Variants in ZNF518A observed in about 807,000 individuals in gnomAD.
ZNF518A encodes zinc finger protein 518A, also known as zinc finger protein 518.
In ZNF518A, 47 loss-of-function variants were observed where a neutral mutation model predicts 102.7. That is an observed-to-expected ratio of 0.46 (90% CI 0.36 to 0.58). ZNF518A has a LOEUF of 0.58. Ranked by LOEUF, ZNF518A falls within the 20% of genes least tolerant of loss-of-function variation. The probability of loss-of-function intolerance (pLI) is 0.00; values close to 1 mark genes in which losing one functional copy is unlikely to be tolerated. For missense variants in ZNF518A, 1,793 were observed against 1,699.8 expected (o/e 1.05, Z -0.96); for synonymous variants, 652 against 594.6 (o/e 1.10, Z -1.40).
rs201454460 is a variant in ZNF518A, at chr10:96,197,079, TA to T, written n.36-6489del. The stretch of plus-strand genomic sequence containing the variant: ...ATGATCCATCCTGTTTAATTTTTTT[TA>T]AAAAACATAATTATGGTTAGTATTA... On this transcript the variant is annotated intron_variant and non_coding_transcript_variant, in intron 1 of 2. Coordinates refer to the ZNF518A transcript ENST00000442635. 196 of 1,597,334 alleles carry T rather than the reference TA, an allele frequency of 1.2e-4. 1 individual carries two copies. The East Asian group carries it at 3.7e-3, about 30-fold the overall frequency.
chr10:96,203,705 C>A (rs1350671396), intron 2 of ZNF518A: 2 of 173,286 alleles, frequency 1.2e-5, no homozygotes, highest in African/African-American at 4.8e-5. Context: ...TTGTTTAGAA[C>A]CAAACACTAT....
chr10:96,142,305 GGTGTGTGTGTGTGT>G (rs60624825), intron 3 of ZNF518A, among the ~76,000 whole-genome samples: 1,569 of 104,110 alleles, frequency 0.015, 18 homozygotes, highest in African/African-American at 0.038. Context: ...ATATTCTTAG[GGTGTGTGTGTGTGT>G]GTGTGTGTGT....
intron 3 of ZNF518A, among the ~76,000 whole-genome samples, chr10:96,155,055 A>G (rs939683693): frequency 7.1e-6 from 1 of 140,166 alleles, no homozygotes; most frequent in Non-Finnish European, 1.5e-5. Context: ...CTATTCATAC[A>G]TATATATATA....
chr10:96,204,536 G>A, downstream of ZNF518A: 1 of 1,613,878 alleles, frequency 6.2e-7, no homozygotes, highest in Non-Finnish European at 8.5e-7. Flanking sequence ...TCTTACTTCT[G>A]GGCAGGAGGA....
At chr10:96,178,474 A>C (rs967529013) in intron 1 of ZNF518A, among the ~76,000 whole-genome samples, 10 of 152,058 alleles carry the variant, frequency 6.6e-5, no homozygotes, top group Non-Finnish European at 1.2e-4. Flanking sequence ...GGACATTTTA[A>C]ACTTCAGATA....
intron 1 of ZNF518A, among the ~76,000 whole-genome samples, chr10:96,188,944 T>C (rs2083289773): frequency 6.6e-6 from 1 of 152,188 alleles, no homozygotes; most frequent in Admixed American, 6.5e-5. Flanking sequence ...TAGCTTCTGA[T>C]GGTTTGCAGG....
At position 96,158,796 on chromosome 10, in the gene ZNF518A, A is replaced by G. The variant is rs782501219; in HGVS notation, c.2474A>G (p.Lys825Arg). The change falls in exon 6 of 6, where the codon AAA (lysine) becomes AGA (arginine). Residue 825 changes from lysine (K) to arginine (R), a missense_variant. By Grantham distance (26) the Lys-to-Arg change is conservative. This residue lies in a region of ZNF518A where 1,741 missense variants were observed against 1,622.6 expected (regional missense o/e 1.07). Transcript: ENST00000316045. ...QSFQKHEREG[K>R]IVESSKDFKV... ...TTTCAAAAACACGAGAGAGAAGGCA[A>G]AATTGTTGAATCTTCGAAAGATTTC... 1.2e-5 allele frequency: 19 copies of G among 1,613,626 alleles called. No homozygotes were observed. The South Asian group carries it at 1.6e-4, about 14-fold the overall frequency.
At chr10:96,180,635 G>C (rs941876295) in intron 1 of ZNF518A, among the ~76,000 whole-genome samples, 3 of 152,008 alleles carry the variant, frequency 2.0e-5, no homozygotes, top group Non-Finnish European at 4.4e-5. Context: ...CAGAATGATG[G>C]TTTCCATCTT....
chr10:96,174,677 G>GA (rs2083192928), intron 1 of ZNF518A, among the ~76,000 whole-genome samples: 1 of 152,048 alleles, frequency 6.6e-6, no homozygotes, highest in Admixed American at 6.6e-5. Flanking sequence ...CACAAAAATT[G>GA]TAAGAAAAAC....
intron 1 of ZNF518A, chr10:96,196,915 C>T (rs1466156518): frequency 1.2e-6 from 2 of 1,613,250 alleles, no homozygotes; most frequent in Admixed American, 3.3e-5. Context: ...GACCTCTTCA[C>T]CATTTTTCTT....
intron 1 of ZNF518A, among the ~76,000 whole-genome samples, chr10:96,174,649 A>G (rs1184869790): frequency 1.3e-5 from 2 of 152,166 alleles, no homozygotes; most frequent in East Asian, 3.8e-4. Context: ...TATGACGAGT[A>G]AGGTATTGAA....
At chr10:96,173,062 T>C (rs989691588) in intron 1 of ZNF518A, among the ~76,000 whole-genome samples, 1 of 152,164 alleles carries the variant, frequency 6.6e-6, no homozygotes, top group African/African-American at 2.4e-5. Context: ...AGATAGCATT[T>C]GCATTGTATT....
chr10:96,184,021 G>A (rs2083255991), intron 1 of ZNF518A, among the ~76,000 whole-genome samples: 1 of 152,156 alleles, frequency 6.6e-6, no homozygotes, highest in Admixed American at 6.5e-5. Flanking sequence ...TATAGATTTA[G>A]GATAGTTAGC....
intron 1 of ZNF518A, among the ~76,000 whole-genome samples, chr10:96,177,772 G>A (rs146898016): frequency 5.3e-5 from 8 of 152,014 alleles, no homozygotes; most frequent in Admixed American, 4.6e-4. Flanking sequence ...AAACAGAGAT[G>A]GCAGCTTTAA....
chr10:96,138,126 T>C (rs1255832089), intron 3 of ZNF518A, among the ~76,000 whole-genome samples: 1 of 152,154 alleles, frequency 6.6e-6, no homozygotes, highest in Non-Finnish European at 1.5e-5. Flanking sequence ...CACCATCAAC[T>C]CTTACTTGGA....
intron 1 of ZNF518A, among the ~76,000 whole-genome samples, chr10:96,177,192 G>C (rs1436261804): frequency 1.3e-5 from 2 of 152,080 alleles, no homozygotes; most frequent in Non-Finnish European, 2.9e-5. Context: ...AGTTACTGCA[G>C]ACTTACATCA....
chr10:96,159,105 A>G lies in ZNF518A; in HGVS notation c.2783A>G (p.Lys928Arg), dbSNP rs782424144. The G allele has an allele frequency of 1.9e-6, 3 of 1,611,420 alleles. No individual in the cohort carries two copies. The highest frequency in any genetic ancestry group is 2.5e-6 in the Non-Finnish European group (3 of 1,179,186). The change falls in exon 6 of 6, where the codon AAA (lysine) becomes AGA (arginine). Residue 928 changes from lysine to arginine, a missense_variant. Physicochemically the swap from Lys to Arg is conservative, Grantham distance 26 (BLOSUM62 2). This residue lies in a region of ZNF518A where 1,741 missense variants were observed against 1,622.6 expected (regional missense o/e 1.07). Transcript: ENST00000316045. ...QSPLLNSEQK[K>R]TIIVQTSKGF... ...CCACTTTTAAATTCAGAACAAAAAA[A>G]AACTATAATTGTTCAGACTTCAAAA...
chr10:96,141,265 G>A (rs2081910371), intron 3 of ZNF518A, among the ~76,000 whole-genome samples: 1 of 152,172 alleles, frequency 6.6e-6, no homozygotes, highest in Admixed American at 6.5e-5. Context: ...AAAGCAATTT[G>A]TAATAAATGG....
At chr10:96,172,634 T>G (rs2083180358) in intron 1 of ZNF518A, among the ~76,000 whole-genome samples, 1 of 152,068 alleles carries the variant, frequency 6.6e-6, no homozygotes, top group Non-Finnish European at 1.5e-5. Flanking sequence ...AAATAGATTC[T>G]GATAAAGATG....
Sources: gnomAD v4.1 joint callset for allele counts (sites outside exome capture counted in the v4.1 genomes callset) on GRCh38, gnomAD v4.1.1 for gene constraint, gnomAD v4.1.1 regional missense constraint, MANE v1.5 for transcripts, NCBI Gene and HGNC (gene_info 2026-07-23, HGNC 2026-07-21) for gene names.